Variants in SIPA1L2 observed in about 807,000 individuals in gnomAD.
SIPA1L2 encodes the protein signal induced proliferation associated 1 like 2.
In SIPA1L2, 56 loss-of-function variants were observed where a neutral mutation model predicts 163.9. The ratio of observed to expected loss-of-function variants is 0.34; its 90% CI spans 0.28 to 0.43. The LOEUF (loss-of-function observed/expected upper bound fraction) is 0.43, where lower values mean the gene tolerates loss of function less well. SIPA1L2 is among the 20% of genes least tolerant of loss of function. SIPA1L2 has a pLI of 1.00. For synonymous variants in SIPA1L2, 877 were observed against 865.7 expected, an observed-to-expected ratio of 1.01 and a Z score of -0.23; for missense variants, 1,974 against 2,193.5, an observed-to-expected ratio of 0.90 and a Z score of 2.00.
Position 232,603,944 on chromosome 1 carries a change from C to G in SIPA1L2, c.-319+25925G>C, listed in dbSNP as rs547010348. 1.2e-3 allele frequency among the ~76,000 whole-genome samples: 181 copies of G among 152,156 alleles called. 1 individual carries two copies. The highest frequency in any genetic ancestry group is 4.2e-3 in the African/African-American group (174 of 41,542). On this transcript the variant is annotated intron_variant, in intron 1 of 22. Coordinates refer to ENST00000674635, the MANE Select transcript of SIPA1L2 (RefSeq NM_020808.5). The stretch of plus-strand genomic sequence containing the variant: ...GACCTTCTGAAATACAGAAGTGAAG[C>G]GAGCAGGGAATTTCACAGAAGTGGA...
At chr1:232,499,505 G>A (rs930050926) in intron 3 of SIPA1L2, among the ~76,000 whole-genome samples, 2 of 152,228 alleles carry the variant, frequency 1.3e-5, no homozygotes, top group African/African-American at 2.4e-5. Flanking sequence ...TATGAAGGCT[G>A]ACAGAGGTGA....
At chr1:232,430,575 G>A (rs1026280492) in intron 16 of SIPA1L2, among the ~76,000 whole-genome samples, 1 of 152,102 alleles carries the variant, frequency 6.6e-6, no homozygotes, top group East Asian at 1.9e-4. Context: ...ACACTGTTTT[G>A]ATAAAACTTC....
chr1:232,600,542 C>G (rs1465482558), intron 1 of SIPA1L2, among the ~76,000 whole-genome samples: 1 of 152,160 alleles, frequency 6.6e-6, no homozygotes, highest in Admixed American at 6.5e-5. Flanking sequence ...ACTGTTGTGT[C>G]TGAAACAGGC....
intron 1 of SIPA1L2, among the ~76,000 whole-genome samples, chr1:232,616,799 C>T (rs1186565246): frequency 1.3e-5 from 2 of 152,132 alleles, no homozygotes; most frequent in Non-Finnish European, 2.9e-5. Flanking sequence ...CTGATGAAAA[C>T]GTTTTAGTAC....
chr1:232,446,838 A>C (rs1663246774), intron 10 of SIPA1L2, among the ~76,000 whole-genome samples: 1 of 152,378 alleles, frequency 6.6e-6, no homozygotes, highest in South Asian at 2.1e-4. Flanking sequence ...CCCACAGAGC[A>C]GACGCCAGAG....
At chr1:232,454,302 G>C (rs948667196) in intron 10 of SIPA1L2, among the ~76,000 whole-genome samples, 2 of 152,114 alleles carry the variant, frequency 1.3e-5, no homozygotes, top group African/African-American at 2.4e-5. Flanking sequence ...AAAAGGTATC[G>C]TATGAAATAG....
chr1:232,546,909 T>C (rs1160497544), intron 2 of SIPA1L2, among the ~76,000 whole-genome samples: 1 of 151,966 alleles, frequency 6.6e-6, no homozygotes. Context: ...GAGGAGGAGG[T>C]CTGCCAGGTG....
At chr1:232,428,805 C>T (rs548711419) in intron 16 of SIPA1L2, among the ~76,000 whole-genome samples, 80 of 152,210 alleles carry the variant, frequency 5.3e-4, no homozygotes, top group African/African-American at 1.8e-3. Flanking sequence ...TCCCCAAAGC[C>T]CAGGATGAAA....
At chr1:232,559,618 A>G (rs990421220) in intron 2 of SIPA1L2, among the ~76,000 whole-genome samples, 1 of 152,230 alleles carries the variant, frequency 6.6e-6, no homozygotes, top group Non-Finnish European at 1.5e-5. Context: ...ACATACACAG[A>G]CATACCATGT....
rs558419580 is a variant in SIPA1L2 at position 232,412,684 on chromosome 1, C to T, written c.4762+2810G>A. On this transcript the variant is annotated intron_variant, in intron 19 of 22. Transcript: ENST00000674635. Reference sequence around the variant, plus strand: ...CTGAGGCAACACTGATACAAGGGAACCTGATTAGCCAAAGGAGGTACACAT... The same window carrying T: ...CTGAGGCAACACTGATACAAGGGAATCTGATTAGCCAAAGGAGGTACACAT... Among the ~76,000 whole-genome samples, 10 of 152,302 alleles carry T rather than the reference C, an allele frequency of 6.6e-5. No individual in the cohort carries two copies. In the South Asian group the frequency reaches 2.1e-3, roughly 32 times the overall value.
In SIPA1L2 at chr1:232,479,856, G is replaced by A. The variant is rs577901607; in HGVS notation, c.1982-126C>T. Reference sequence around the variant, plus strand: ...CCAAGCTCTACCCAACCAGTATCTGGATGCTGCCCATCCAGCTTTCATCAA... The same window carrying A: ...CCAAGCTCTACCCAACCAGTATCTGAATGCTGCCCATCCAGCTTTCATCAA... On this transcript the variant is annotated intron_variant, in intron 6 of 22. Coordinates refer to ENST00000674635, the MANE Select transcript of SIPA1L2 (RefSeq NM_020808.5). The A allele has an allele frequency of 7.4e-5, 51 of 690,898 alleles. No individual in the cohort carries two copies. In the African/African-American group the frequency reaches 8.0e-4, roughly 11 times the overall value. The allele number at this position is 690,898 out of a possible 1,614,324, so 42.8% of individuals were successfully genotyped here.
chr1:232,486,096 T>A (rs1253969135), intron 5 of SIPA1L2, among the ~76,000 whole-genome samples: 4 of 152,168 alleles, frequency 2.6e-5, no homozygotes, highest in Non-Finnish European at 4.4e-5. Context: ...CTCAGTCTGC[T>A]CTGGCATCTG....
In SIPA1L2 at chr1:232,606,134, T is replaced by C. The variant is rs915228653; in HGVS notation, c.-319+23735A>G. On this transcript the variant is annotated intron_variant, in intron 1 of 22. Coordinates refer to ENST00000674635, the MANE Select transcript of SIPA1L2 (RefSeq NM_020808.5). ...ATTACAATTTGATAGATACTAAAAATTGACTTCAGAGTTGCTATTCAAACA... is the reference window on the plus strand; with the variant it reads ...ATTACAATTTGATAGATACTAAAAACTGACTTCAGAGTTGCTATTCAAACA... Among the ~76,000 whole-genome samples, 11 of 152,362 alleles carry C rather than the reference T, an allele frequency of 7.2e-5. 1 individual carries two copies. In the South Asian group the frequency reaches 1.7e-3, roughly 23 times the overall value.
intron 18 of SIPA1L2, among the ~76,000 whole-genome samples, chr1:232,418,804 T>G (rs1465663173): frequency 1.3e-5 from 2 of 152,218 alleles, no homozygotes; most frequent in African/African-American, 2.4e-5. Context: ...GGACTTCTAT[T>G]TGATACTGCA....
intron 2 of SIPA1L2, among the ~76,000 whole-genome samples, chr1:232,565,444 A>T (rs2247738): frequency 0.019 from 2,885 of 152,152 alleles, 95 homozygotes; most frequent in African/African-American, 0.064. Flanking sequence ...ATTGACTGTG[A>T]GACCTGGACA....
chr1:232,467,188 T>A (rs1057366414), intron 8 of SIPA1L2, among the ~76,000 whole-genome samples: 1 of 152,230 alleles, frequency 6.6e-6, no homozygotes, highest in Admixed American at 6.5e-5. Context: ...GACAGGTGGC[T>A]AGATGGGTCC....
At chr1:232,544,383 A>T (rs753782497) in intron 2 of SIPA1L2, among the ~76,000 whole-genome samples, 45 of 152,096 alleles carry the variant, frequency 3.0e-4, no homozygotes, top group Non-Finnish European at 4.9e-4. Context: ...AACATGGTGA[A>T]ACCCACCTCT....
At chr1:232,462,071 T>C in intron 9 of SIPA1L2, 1 of 796,422 alleles carries the variant, frequency 1.3e-6, no homozygotes, top group Admixed American at 2.0e-5. Flanking sequence ...TGTATGTACC[T>C]TACTCAAGAG....
At chr1:232,579,332 T>C (rs1381292936) in intron 1 of SIPA1L2, among the ~76,000 whole-genome samples, 1 of 152,222 alleles carries the variant, frequency 6.6e-6, no homozygotes, top group Non-Finnish European at 1.5e-5. Context: ...GTGTTTGTTT[T>C]GCAGCCCCAC....
Sources: allele counts gnomAD v4.1 joint callset (sites outside exome capture counted in the v4.1 genomes callset), GRCh38; gene constraint gnomAD v4.1.1; transcripts MANE v1.5; gene names NCBI Gene and HGNC (gene_info 2026-07-23, HGNC 2026-07-21).